The following ACTG1 variants were observed in gnomAD, a reference collection of about 807,000 sequenced individuals.
ACTG1 encodes the protein actin gamma 1, also known as actin, cytoplasmic 2.
Under a neutral mutation model 34.3 loss-of-function variants are expected in ACTG1, and 14 were observed. The observed-to-expected ratio is 0.41, with a 90% CI of 0.27 to 0.64. The LOEUF is 0.64. Among genes scored for constraint, ACTG1 ranks in the 30% least tolerant of loss-of-function variants. The pLI, the probability that ACTG1 is intolerant of heterozygous loss-of-function variation, is 0.33. For missense variants in ACTG1, 233 were observed against 529.5 expected, an observed-to-expected ratio of 0.44 and a Z score of 5.50; for synonymous variants, 422 against 213.9, an observed-to-expected ratio of 1.97 and a Z score of -8.49.
Position 81,510,312 on chromosome 17 carries a change from C to T in ACTG1, c.*378G>A. On this transcript the variant is annotated 3_prime_UTR_variant, in exon 6 of 6. Coordinates refer to ENST00000573283, the MANE Select transcript of ACTG1 (RefSeq NM_001614.5). The stretch of plus-strand genomic sequence containing the variant: ...TCTAGAGAAATCCCAGAACACTCAG[C>T]CCTGACACGTTAATACCCTGCACAG... 1 of 455,598 alleles carries T rather than the reference C, an allele frequency of 2.2e-6. No individual in the cohort carries two copies. Among genetic ancestry groups the T allele is most frequent in the Non-Finnish European group, 4.1e-6 (1 of 241,332 alleles). 28.2% of individuals were successfully genotyped at this position (455,598 alleles called of 1,614,324 possible). A position where few individuals can be genotyped will look rare whatever the true frequency, so the allele number is the denominator to read the frequency against.
At chr17:81,512,674 C>T in intron 1 of ACTG1, 60 bp downstream of exon 1, 1 of 408,718 alleles carries the variant, frequency 2.4e-6, no homozygotes, top group Non-Finnish European at 4.6e-6. Flanking sequence ...GCGGGGCCAG[C>T]CGGGGTCGGG....
chr17:81,512,368 GAA>G lies in ACTG1; in HGVS notation c.-6-10_-6-9del. Reference sequence around the variant, plus strand: ...CTCTTCTTCCATTGCGACCTGCCCGGAAAAGGATGGACTCAGGCGGGCGCGTC... The same window carrying G: ...CTCTTCTTCCATTGCGACCTGCCCGGAAGGATGGACTCAGGCGGGCGCGTC... On this transcript the variant is annotated splice_polypyrimidine_tract_variant and intron_variant, in intron 1 of 5. Coordinates refer to ENST00000573283, the MANE Select transcript of ACTG1 (RefSeq NM_001614.5). 2 of 1,613,916 alleles carry G rather than the reference GAA, an allele frequency of 1.2e-6. No individual in the cohort carries two copies. Among genetic ancestry groups the G allele is most frequent in the East Asian group, 4.5e-5 (2 of 44,876 alleles).
Position 81,512,433 on chromosome 17 carries a change from T to TC in ACTG1, c.-6-74dup, listed in dbSNP as rs1158184891. The TC allele has an allele frequency of 3.7e-6, 6 of 1,610,870 alleles. No homozygotes were observed. The African/African-American group carries it at 5.3e-5, about 14-fold the overall frequency. On this transcript the variant is annotated intron_variant, in intron 1 of 5. Transcript: ENST00000573283. ...CCCTCCCCACAGCCACCTAATGCCC[T>TC]CCCGCGGGGAAGCCTCGGCCCTGCC...
At position 81,510,434 on chromosome 17, in the gene ACTG1, C is replaced by T. The variant is rs1555666163; in HGVS notation, c.*256G>A. Reference sequence around the variant, plus strand: ...CCACGAAGTGACCAAGCCACACGTACTAAAGGTTGAACTCAAAGATATGTA... The same window carrying T: ...CCACGAAGTGACCAAGCCACACGTATTAAAGGTTGAACTCAAAGATATGTA... On this transcript the variant is annotated 3_prime_UTR_variant, in exon 6 of 6. Coordinates refer to ENST00000573283, the MANE Select transcript of ACTG1 (RefSeq NM_001614.5). 2 of 611,348 alleles carry T rather than the reference C, an allele frequency of 3.3e-6. No homozygotes were observed. Among genetic ancestry groups the T allele is most frequent in the South Asian group, 1.6e-5 (1 of 62,964 alleles). The allele number at this position is 611,348 out of a possible 1,614,324, so 37.9% of individuals were successfully genotyped here.
rs543202804 is a variant in ACTG1 at position 81,511,345 on chromosome 17, C to T, written c.645G>A (p.Lys215=). ...CGAAGTCCAGGGCGACGTAGCACAG[C>T]TTCTCCTTGATGTCGCGCACGATTT... ...EREIVRDIKE[K]LCYVALDFEQ... Residue 215 remains lysine, a synonymous_variant, in exon 4 of 6, where the codon AAG becomes AAA. Transcript: ENST00000573283. 9.9e-6 allele frequency: 16 copies of T among 1,613,948 alleles called. No individual in the cohort carries two copies. The highest frequency in any genetic ancestry group is 3.3e-5 in the Admixed American group (2 of 60,034).
In ACTG1 at chr17:81,510,954, G is replaced by A. The variant is rs377745600; in HGVS notation, c.957C>T (p.Ala319=). 2.7e-5 allele frequency: 44 copies of A among 1,613,994 alleles called. No individual in the cohort carries two copies. The highest frequency in any genetic ancestry group is 3.6e-5 in the Non-Finnish European group (42 of 1,180,024). Residue 319 remains alanine (A), a synonymous_variant, in exon 5 of 6, where the codon GCC becomes GCT. Transcript: ENST00000573283. ...IADRMQKEIT[A]LAPSTMKIKI... The stretch of plus-strand genomic sequence containing the variant: ...TGATCTTCATGGTGCTGGGCGCCAG[G>A]GCGGTGATCTCCTTCTGCATCCTGT...
Position 81,512,334 on chromosome 17 carries a change from C to T in ACTG1, c.21G>A (p.Ala7=), listed in dbSNP as rs1555667278. The change falls in exon 2 of 6, where the codon GCG becomes GCA. Residue 7 remains alanine (A), a synonymous_variant. Transcript: ENST00000573283. ...TGCCGGAGCCATTGTCAATGACCAG[C>T]GCGGCGATCTCTTCTTCCATTGCGA... The part of the protein sequence containing the change: MEEEIA[A]LVIDNGSGMC... The T allele has an allele frequency of 3.3e-5, 54 of 1,613,998 alleles. No homozygotes were observed. Among genetic ancestry groups the T allele is most frequent in the South Asian group, 7.7e-5 (7 of 91,086 alleles).
At chr17:81,511,164 A>G (rs781788786) in intron 4 of ACTG1, 24 bp downstream of exon 4, 1 of 1,613,706 alleles carries the variant, frequency 6.2e-7, no homozygotes, top group Non-Finnish European at 8.5e-7. Context: ...GTAAGAGTAG[A>G]AACCTTTAGC....
chr17:81,511,803 C>T, intron 3 of ACTG1, 100 bp downstream of exon 3: 3 of 1,593,038 alleles, frequency 1.9e-6, no homozygotes, highest in South Asian at 1.1e-5. Context: ...AGGAACAGAG[C>T]CTGGAACAGC....
Position 81,512,734 on chromosome 17 carries a change from C to T in ACTG1, c.-7G>A, listed in dbSNP as rs1432402339. 9.7e-6 allele frequency: 4 copies of T among 411,656 alleles called. No homozygotes were observed. Among genetic ancestry groups the T allele is most frequent in the African/African-American group, 4.4e-5 (2 of 45,484 alleles). The allele number at this position is 411,656 out of a possible 1,614,324, so 25.5% of individuals were successfully genotyped here. A position where few individuals can be genotyped will look rare whatever the true frequency, so the allele number is the denominator to read the frequency against. ...TCAGGCCCCGGGGCGGGGCGCTCAC[C>T]GGCAGAGAAACGCGACGGCGGAGCG... On this transcript the variant is annotated splice_region_variant and 5_prime_UTR_variant, in exon 1 of 6. Transcript: ENST00000573283.
Position 81,512,273 on chromosome 17 carries a change from G to T in ACTG1, c.82C>A (p.Arg28=), listed in dbSNP as rs782768875. The T allele has an allele frequency of 6.2e-7, 1 of 1,613,700 alleles. No homozygotes were observed. The highest frequency in any genetic ancestry group is 1.3e-5 in the African/African-American group (1 of 75,028). Residue 28 remains arginine, a synonymous_variant, in exon 2 of 6, where the codon CGA becomes AGA. Transcript: ENST00000573283. ...KAGFAGDDAP[R]AVFPSIVGRP... ...CCGACGATGGAAGGAAACACGGCTC[G>T]GGGAGCGTCGTCCCCAGCAAAACCA... is the stretch of plus-strand genomic sequence containing the variant.
rs781887460 is a variant in ACTG1 at position 81,512,377 on chromosome 17, G to A, written c.-6-17C>T. 34 of 1,613,834 alleles carry A rather than the reference G, an allele frequency of 2.1e-5. No individual in the cohort carries two copies. The highest frequency in any genetic ancestry group is 4.5e-5 in the East Asian group (2 of 44,880). On this transcript the variant is annotated splice_polypyrimidine_tract_variant and intron_variant, in intron 1 of 5. Transcript: ENST00000573283. Reference sequence around the variant, plus strand: ...CATTGCGACCTGCCCGGAAAAGGATGGACTCAGGCGGGCGCGTCTGTAACA... The same window carrying A: ...CATTGCGACCTGCCCGGAAAAGGATAGACTCAGGCGGGCGCGTCTGTAACA...
rs568380841 is a variant in ACTG1 at position 81,510,828 on chromosome 17, G to A, written c.990C>T (p.Ile330=). The A allele has an allele frequency of 1.4e-5, 22 of 1,613,724 alleles. No individual in the cohort carries two copies. The highest frequency in any genetic ancestry group is 1.2e-4 in the African/African-American group (9 of 74,880). The change falls in exon 6 of 6, where the codon ATC becomes ATT. Residue 330 remains isoleucine (I), a synonymous_variant. Coordinates refer to ENST00000573283, the MANE Select transcript of ACTG1 (RefSeq NM_001614.5). ...CCGAGTACTTGCGCTCTGGGGGTGC[G>A]ATGATCTGCAAAGACAGCCAGGCAC... is the stretch of plus-strand genomic sequence containing the variant. The part of the protein sequence containing the change: ...LAPSTMKIKI[I]APPERKYSVW...
At position 81,511,065 on chromosome 17, in the gene ACTG1, G is replaced by T; in HGVS notation, c.846C>A (p.Ile282=). ...TGCGGATGTCCACGTCACACTTCAT[G>T]ATGGAGTTGAAGGTGGTCTCGTGGA... The part of the protein sequence containing the change: ...CGIHETTFNS[I]MKCDVDIRKD... The change falls in exon 5 of 6, where the codon ATC becomes ATA. Residue 282 remains isoleucine, a synonymous_variant. Coordinates refer to ENST00000573283, the MANE Select transcript of ACTG1 (RefSeq NM_001614.5). 1 of 1,614,060 alleles carries T rather than the reference G, an allele frequency of 6.2e-7. No homozygotes were observed. The highest frequency in any genetic ancestry group is 8.5e-7 in the Non-Finnish European group (1 of 1,180,046).
chr17:81,511,097 A>C lies in ACTG1; in HGVS notation c.814T>G (p.Cys272Gly). 6.2e-7 allele frequency: 1 copy of C among 1,613,978 alleles called. No homozygotes were observed. The highest frequency in any genetic ancestry group is 8.5e-7 in the Non-Finnish European group (1 of 1,180,036). Residue 272 changes from cysteine (C) to glycine (G), a missense_variant, in exon 5 of 6, where the codon TGC becomes GGC. Transcript: ENST00000573283. ...FQPSFLGMES[C>G]GIHETTFNSI... ...TTGAAGGTGGTCTCGTGGATGCCGC[A>C]AGATTCCATACCTAGGGGACAGAGC...
chr17:81,511,635 G>C lies in ACTG1; in HGVS notation c.364-9C>G. On this transcript the variant is annotated splice_polypyrimidine_tract_variant and intron_variant, in intron 3 of 5. Coordinates refer to ENST00000573283, the MANE Select transcript of ACTG1 (RefSeq NM_001614.5). ...AAGGTCTCAAACATAATCTGAGAAG[G>C]GACAAGGGGCGGCTTAGTCAGGGAC... is the stretch of plus-strand genomic sequence containing the variant. The C allele has an allele frequency of 5.0e-6, 8 of 1,612,204 alleles. No individual in the cohort carries two copies. Among genetic ancestry groups the C allele is most frequent in the Non-Finnish European group, 6.8e-6 (8 of 1,179,336 alleles).
rs1222589056 is a variant in ACTG1 at position 81,512,720 on chromosome 17, G to A, written c.-7+14C>T. The A allele has an allele frequency of 9.8e-6, 4 of 408,548 alleles. No individual in the cohort carries two copies. Among genetic ancestry groups the A allele is most frequent in the African/African-American group, 2.2e-5 (1 of 45,528 alleles). The allele number at this position is 408,548 out of a possible 1,614,324, so 25.3% of individuals were successfully genotyped here. ...CTGCGACGTCCAGCTCAGGCCCCGG[G>A]GCGGGGCGCTCACCGGCAGAGAAAC... On this transcript the variant is annotated intron_variant, in intron 1 of 5. Coordinates refer to ENST00000573283, the MANE Select transcript of ACTG1 (RefSeq NM_001614.5).
intron 1 of ACTG1, 79 bp from the exon 2 acceptor site, chr17:81,512,439 G>A: frequency 3.1e-6 from 5 of 1,609,850 alleles, no homozygotes; most frequent in South Asian, 1.1e-5. Context: ...GCCCTCCCGC[G>A]GGGAAGCCTC....
Position 81,510,839 on chromosome 17 carries a change from A to G in ACTG1, c.985-6T>C, listed in dbSNP as rs1555666406. ...CGCTCTGGGGGTGCGATGATCTGCA[A>G]AGACAGCCAGGCACGGCTTCAGCTC... On this transcript the variant is annotated splice_region_variant and splice_polypyrimidine_tract_variant and intron_variant, in intron 5 of 5. Transcript: ENST00000573283. The G allele has an allele frequency of 6.2e-7, 1 of 1,613,394 alleles. No individual in the cohort carries two copies. Among genetic ancestry groups the G allele is most frequent in the South Asian group, 1.1e-5 (1 of 91,004 alleles).
Sources: allele counts gnomAD v4.1 joint callset, GRCh38; gene constraint gnomAD v4.1.1; transcripts MANE v1.5; gene names NCBI Gene and HGNC (gene_info 2026-07-23, HGNC 2026-07-21).